DNAH9: variants seen among roughly 807,000 people sequenced by gnomAD.
The protein encoded by DNAH9 is dynein axonemal heavy chain 9, also known as DNAH9 variant protein.
Under a neutral mutation model 471.6 loss-of-function variants are expected in DNAH9, and 345 were observed. The observed-to-expected ratio is 0.73, with a 90% CI of 0.67 to 0.80. The LOEUF is 0.80. DNAH9 is among the 30% of genes least tolerant of loss of function. The pLI, the probability that DNAH9 is intolerant of heterozygous loss-of-function variation, is 0.00. For missense variants in DNAH9, 5,407 were observed against 5,609.2 expected (o/e 0.96, Z 1.15); for synonymous variants, 2,093 against 2,123.6 (o/e 0.99, Z 0.40).
intron 4 of DNAH9, chr17:11,612,203 A>T: frequency 2.5e-6 from 1 of 393,898 alleles, no homozygotes; most frequent in Non-Finnish European, 4.6e-6. Flanking sequence ...AGCCTGTGTG[A>T]CCAACTCCAG....
intron 15 of DNAH9, among the ~76,000 whole-genome samples, chr17:11,666,717 C>T (rs1455845076): frequency 6.6e-6 from 1 of 152,118 alleles, no homozygotes; most frequent in Non-Finnish European, 1.5e-5. Context: ...TCCACCTTAC[C>T]ATTTTGTCTG....
intron 43 of DNAH9, among the ~76,000 whole-genome samples, chr17:11,801,511 G>A (rs888838762): frequency 6.6e-6 from 1 of 152,132 alleles, no homozygotes; most frequent in Non-Finnish European, 1.5e-5. Context: ...CCAACATGGT[G>A]AAACCCCGTC....
At chr17:11,936,357 C>T (rs1391414113) in intron 65 of DNAH9, among the ~76,000 whole-genome samples, 4 of 152,122 alleles carry the variant, frequency 2.6e-5, no homozygotes, top group Non-Finnish European at 5.9e-5. Context: ...GAGCCAGGCG[C>T]GGTGGCTCCC....
At chr17:11,793,159 A>C (rs993186724) in intron 41 of DNAH9, among the ~76,000 whole-genome samples, 2 of 152,208 alleles carry the variant, frequency 1.3e-5, no homozygotes, top group Non-Finnish European at 2.9e-5. Context: ...CAACTTTAGA[A>C]AGTCAGTATT....
rs1053353760 is a variant in DNAH9 at position 11,623,296 on chromosome 17, T to C, written c.1350+3515T>C. ...GCCAGCATTTCTTTTCTTGACTGTGTTTCCCTCTCTTTCCCTTTGTCTAAT... is the reference window on the plus strand; with the variant it reads ...GCCAGCATTTCTTTTCTTGACTGTGCTTCCCTCTCTTTCCCTTTGTCTAAT... On this transcript the variant is annotated intron_variant, in intron 6 of 68. Coordinates refer to ENST00000262442, the MANE Select transcript of DNAH9 (RefSeq NM_001372.4). This position sits in a 1 kb window ranked among gnomAD's most constrained non-coding sequence, Gnocchi z 4.1. 4.6e-5 allele frequency among the ~76,000 whole-genome samples: 7 copies of C among 151,816 alleles called. No individual in the cohort carries two copies. The highest frequency in any genetic ancestry group is 1.0e-4 in the Non-Finnish European group (7 of 67,880).
chr17:11,654,920 G>A (rs889820276), intron 14 of DNAH9, among the ~76,000 whole-genome samples: 2 of 151,914 alleles, frequency 1.3e-5, no homozygotes, highest in African/African-American at 4.8e-5. Flanking sequence ...CAACCTCCAG[G>A]GTAGTCATAA....
intron 38 of DNAH9, among the ~76,000 whole-genome samples, chr17:11,780,742 G>A (rs1159677622): frequency 1.3e-5 from 2 of 152,220 alleles, no homozygotes; most frequent in Non-Finnish European, 2.9e-5. Flanking sequence ...AGGATTAAAT[G>A]AGGTAATTAA....
chr17:11,650,631 G>T (rs973992057), intron 12 of DNAH9, among the ~76,000 whole-genome samples: 7 of 152,174 alleles, frequency 4.6e-5, no homozygotes, highest in Non-Finnish European at 1.0e-4. Flanking sequence ...TGTTTCATTT[G>T]GAGAGAATGC....
chr17:11,680,619 C>A, intron 18 of DNAH9, 104 bp from the exon 19 acceptor site: 1 of 937,038 alleles, frequency 1.1e-6, no homozygotes, highest in Non-Finnish European at 1.7e-6. Context: ...ACCATTGTAC[C>A]ATCTTGTAGC....
intron 15 of DNAH9, among the ~76,000 whole-genome samples, chr17:11,665,349 G>T (rs552013180): frequency 6.6e-6 from 1 of 152,298 alleles, no homozygotes; most frequent in South Asian, 2.1e-4. Context: ...GGGACATTCT[G>T]TGCCTTCAAG....
chr17:11,929,529 A>G (rs1974437014), intron 62 of DNAH9, among the ~76,000 whole-genome samples: 1 of 152,192 alleles, frequency 6.6e-6, no homozygotes, highest in Non-Finnish European at 1.5e-5. Context: ...ATTATGCTGG[A>G]AAGCCTTAGG....
chr17:11,962,406 T>A lies in DNAH9; in HGVS notation c.13233+150T>A. 7.7e-7 allele frequency: 1 copy of A among 1,300,034 alleles called. No individual in the cohort carries two copies. The highest frequency in any genetic ancestry group is 1.0e-6 in the Non-Finnish European group (1 of 982,212). The allele number at this position is 1,300,034 out of a possible 1,614,324, so 80.5% of individuals were successfully genotyped here. A position where few individuals can be genotyped will look rare whatever the true frequency, so the allele number is the denominator to read the frequency against. ...TTGAGGCCATCAGGCCATTTTTATT[T>A]AGCCAGGGGTGGTGCAAAGAGCGTA... On this transcript the variant is annotated intron_variant, in intron 68 of 68. Transcript: ENST00000262442. The surrounding 1 kb of genome is among the most constrained non-coding windows in gnomAD (Gnocchi z 4.1).
intron 27 of DNAH9, 119 bp downstream of exon 27, chr17:11,719,609 G>A: frequency 4.2e-6 from 4 of 956,164 alleles, no homozygotes; most frequent in South Asian, 3.5e-5. Context: ...TCGGAGCCCA[G>A]ATCAGGAGGT....
intron 19 of DNAH9, 116 bp from the exon 20 acceptor site, chr17:11,689,450 C>T (rs1206700276): frequency 1.2e-6 from 1 of 855,368 alleles, no homozygotes; most frequent in African/African-American, 1.7e-5. Flanking sequence ...GTGAAAGCCA[C>T]TGCTCTTTCC....
At chr17:11,926,058 A>AAAAAAAAAAAAAAAAAAAAAAC in intron 62 of DNAH9, among the ~76,000 whole-genome samples, 1 of 149,442 alleles carries the variant, frequency 6.7e-6, no homozygotes, top group Non-Finnish European at 1.5e-5. Context: ...AAAAAAAAAA[A>AAAAAAAAAAAAAAAAAAAAAAC]AAAAGCTGGG....
At chr17:11,788,467 C>T (rs1968950962) in intron 41 of DNAH9, among the ~76,000 whole-genome samples, 2 of 152,210 alleles carry the variant, frequency 1.3e-5, no homozygotes, top group South Asian at 2.1e-4. Flanking sequence ...AAAACATTCT[C>T]AATATATCCC....
intron 66 of DNAH9, among the ~76,000 whole-genome samples, chr17:11,939,818 G>A (rs1464237842): frequency 6.6e-6 from 1 of 151,482 alleles, no homozygotes; most frequent in Non-Finnish European, 1.5e-5. Context: ...ATGGATGGAT[G>A]GATGGATGGA....
chr17:11,943,637 G>A lies in DNAH9; in HGVS notation c.12843+1152G>A, dbSNP rs535715833. Reference sequence around the variant, plus strand: ...GCTTGCAGTGAGCCGAGATCGCACCGCTGCACTCCAGCCTGGGTGACAGAG... The same window carrying A: ...GCTTGCAGTGAGCCGAGATCGCACCACTGCACTCCAGCCTGGGTGACAGAG... On this transcript the variant is annotated intron_variant, in intron 67 of 68. Coordinates refer to ENST00000262442, the MANE Select transcript of DNAH9 (RefSeq NM_001372.4). Among the ~76,000 whole-genome samples the A allele has an allele frequency of 5.0e-3, 762 of 152,074 alleles. 7 individuals carry two copies. Among genetic ancestry groups the A allele is most frequent in the Non-Finnish European group, 6.3e-3 (427 of 67,970 alleles).
At chr17:11,905,410 G>T (rs1973560610) in intron 60 of DNAH9, among the ~76,000 whole-genome samples, 1 of 152,154 alleles carries the variant, frequency 6.6e-6, no homozygotes, top group Non-Finnish European at 1.5e-5. Flanking sequence ...TCCCCTGAGG[G>T]AGTCAGCGAT....
Sources: gnomAD v4.1 joint callset for allele counts (sites outside exome capture counted in the v4.1 genomes callset) on GRCh38, gnomAD v4.1.1 for gene constraint, Gnocchi (gnomAD v3.1) non-coding constraint, MANE v1.5 for transcripts, NCBI Gene and HGNC (gene_info 2026-07-23, HGNC 2026-07-21) for gene names.